The following COL23A1 variants were observed in gnomAD, a reference collection of about 807,000 sequenced individuals.
The protein encoded by COL23A1 is collagen type XXIII alpha 1 chain, also known as collagen alpha-1(XXIII) chain.
COL23A1 carries 97 observed loss-of-function variants against 99.3 expected under a neutral mutation model. The observed-to-expected ratio is 0.98, with a 90% CI of 0.83 to 1.16. The LOEUF (loss-of-function observed/expected upper bound fraction) is 1.16, where lower values mean the gene tolerates loss of function less well. COL23A1 is among the 50% of genes most tolerant of loss of function. The pLI is 0.00. For synonymous variants in COL23A1, 320 were observed against 308.2 expected (o/e 1.04, Z -0.40); for missense variants, 762 against 757.4 (o/e 1.01, Z -0.07).
chr5:178,579,818 C>T (rs557177613), intron 1 of COL23A1, among the ~76,000 whole-genome samples: 1 of 152,326 alleles, frequency 6.6e-6, no homozygotes. Flanking sequence ...GATGTCCACA[C>T]TCGCAGAAAA....
chr5:178,288,578 G>A (rs1339195366), intron 4 of COL23A1: 1 of 620,962 alleles, frequency 1.6e-6, no homozygotes, highest in East Asian at 2.7e-5. Flanking sequence ...CTTCATCGGG[G>A]CTCCGGGCAC....
intron 1 of COL23A1, 92 bp from the exon 2 acceptor site, chr5:178,560,840 G>A: frequency 2.4e-6 from 3 of 1,262,264 alleles, no homozygotes; most frequent in South Asian, 2.7e-5. Flanking sequence ...AAAAACAAAT[G>A]TATCTAAACC....
intron 15 of COL23A1, chr5:178,256,030 T>C: frequency 3.9e-6 from 1 of 255,038 alleles, no homozygotes; most frequent in African/African-American, 2.2e-5. Flanking sequence ...GGATCAGGCA[T>C]ACGACAAACA....
intron 2 of COL23A1, among the ~76,000 whole-genome samples, chr5:178,546,161 C>T (rs1761565774): frequency 6.6e-6 from 1 of 152,104 alleles, no homozygotes; most frequent in Admixed American, 6.6e-5. Flanking sequence ...ACTCTATCTC[C>T]CCTCCACCTC....
rs1416849182 is a variant in COL23A1, at chr5:178,589,494, T to C, written c.294+410A>G. 6.6e-6 allele frequency among the ~76,000 whole-genome samples: 1 copy of C among 152,118 alleles called. No homozygotes were observed. The highest frequency in any genetic ancestry group is 2.4e-5 in the African/African-American group (1 of 41,422). ...CCTCTCCAGGTGTACCAGCGTTGGT[T>C]AGGAACAGTAGGTGCTACTGGTCAC... On this transcript the variant is annotated intron_variant, in intron 1 of 28. Coordinates refer to ENST00000390654, the MANE Select transcript of COL23A1 (RefSeq NM_173465.4). The surrounding 1 kb of genome is among the most constrained non-coding windows in gnomAD (Gnocchi z 5.4).
At chr5:178,264,806 T>A (rs1755783903) in intron 8 of COL23A1, among the ~76,000 whole-genome samples, 1 of 152,096 alleles carries the variant, frequency 6.6e-6, no homozygotes, top group Non-Finnish European at 1.5e-5. Flanking sequence ...ATTATTATTA[T>A]TACTATTATT....
At chr5:178,472,275 C>T (rs896885201) in intron 2 of COL23A1, among the ~76,000 whole-genome samples, 1 of 152,176 alleles carries the variant, frequency 6.6e-6, no homozygotes, top group Non-Finnish European at 1.5e-5. Flanking sequence ...GACTCTCAGT[C>T]GAATCAACTG....
Position 178,242,133 on chromosome 5 carries a change from G to A in COL23A1, c.1495-5C>T. 6.4e-7 allele frequency: 1 copy of A among 1,551,680 alleles called. No homozygotes were observed. Among genetic ancestry groups the A allele is most frequent in the Non-Finnish European group, 8.7e-7 (1 of 1,147,014 alleles). On this transcript the variant is annotated splice_polypyrimidine_tract_variant and splice_region_variant and intron_variant, in intron 26 of 28. Transcript: ENST00000390654. ...GCCGGGGACCCCTCGTTCTCCCTGT[G>A]CAGGAGGGGAGATGGTGGTATTGGT...
intron 1 of COL23A1, among the ~76,000 whole-genome samples, chr5:178,572,268 T>C (rs954410314): frequency 6.6e-6 from 1 of 151,924 alleles, no homozygotes; most frequent in African/African-American, 2.4e-5. Flanking sequence ...AGAAGACAAC[T>C]AGTGAACTGT....
chr5:178,343,101 A>G (rs915331567), intron 2 of COL23A1, among the ~76,000 whole-genome samples: 11 of 152,374 alleles, frequency 7.2e-5, no homozygotes, highest in Non-Finnish European at 1.3e-4. Flanking sequence ...GTGTGAGGGC[A>G]TGGCCAACAC....
At chr5:178,264,999 C>A (rs879495963) in intron 8 of COL23A1, among the ~76,000 whole-genome samples, 4 of 152,114 alleles carry the variant, frequency 2.6e-5, no homozygotes, top group Non-Finnish European at 5.9e-5. Flanking sequence ...CTGTTATTGT[C>A]CCATTTTACA....
intron 2 of COL23A1, among the ~76,000 whole-genome samples, chr5:178,423,344 A>C (rs60745554): frequency 0.21 from 31,692 of 152,022 alleles, 5,730 homozygotes; most frequent in African/African-American, 0.48. Flanking sequence ...ACTATCTGGT[A>C]ATCCTGGCAG....
chr5:178,543,221 C>CCTCA (rs374936969), intron 2 of COL23A1, among the ~76,000 whole-genome samples: 9 of 152,128 alleles, frequency 5.9e-5, no homozygotes, highest in African/African-American at 2.2e-4. Context: ...GATTCTCCTG[C>CCTCA]CTCAGCCTCC....
chr5:178,494,466 C>T (rs1267772607), intron 2 of COL23A1, among the ~76,000 whole-genome samples: 1 of 152,200 alleles, frequency 6.6e-6, no homozygotes, highest in African/African-American at 2.4e-5. Flanking sequence ...CACCTGAGGT[C>T]AGGAGTTCGA....
intron 2 of COL23A1, among the ~76,000 whole-genome samples, chr5:178,455,755 G>A (rs1189955673): frequency 1.3e-5 from 2 of 152,066 alleles, no homozygotes; most frequent in Non-Finnish European, 2.9e-5. Context: ...CCACGAGGAG[G>A]TCAGAGCGGA....
At chr5:178,537,112 T>C in intron 2 of COL23A1, among the ~76,000 whole-genome samples, 1 of 152,126 alleles carries the variant, frequency 6.6e-6, no homozygotes, top group Non-Finnish European at 1.5e-5. Context: ...GCGGGTGACA[T>C]GATTTCCATG....
At chr5:178,564,294 C>CCGGA (rs1472789686) in intron 1 of COL23A1, among the ~76,000 whole-genome samples, 1 of 152,070 alleles carries the variant, frequency 6.6e-6, no homozygotes, top group African/African-American at 2.4e-5. Context: ...GTTTTCTCTC[C>CCGGA]CGGACCCCAC....
chr5:178,290,399 C>T, intron 3 of COL23A1, 30 bp from the exon 4 acceptor site: 1 of 1,612,422 alleles, frequency 6.2e-7, no homozygotes, highest in Non-Finnish European at 8.5e-7. Flanking sequence ...AAGCCACAGT[C>T]AGTGTGGAAG....
intron 2 of COL23A1, among the ~76,000 whole-genome samples, chr5:178,537,453 C>G (rs17591066): frequency 6.6e-6 from 1 of 152,240 alleles, no homozygotes; most frequent in African/African-American, 2.4e-5. Flanking sequence ...GGTCATAGAA[C>G]TAGTACCGAG....
Sources: allele counts gnomAD v4.1 joint callset (sites outside exome capture counted in the v4.1 genomes callset), GRCh38; gene constraint gnomAD v4.1.1; non-coding constraint Gnocchi (gnomAD v3.1); transcripts MANE v1.5; gene names NCBI Gene and HGNC (gene_info 2026-07-23, HGNC 2026-07-21).